The following PPP2CA variants were observed in gnomAD, a reference collection of about 807,000 sequenced individuals.
PPP2CA encodes the protein serine/threonine-protein phosphatase 2A catalytic subunit alpha isoform.
A neutral mutation model predicts 38.8 loss-of-function variants in PPP2CA; 5 were observed. The observed-to-expected ratio is 0.13, with a 90% confidence interval of 0.07 to 0.27. The LOEUF is 0.27. Ranked by LOEUF, PPP2CA falls within the 10% of genes least tolerant of loss-of-function variation. PPP2CA has a pLI of 1.00. For missense variants in PPP2CA, 88 were observed against 389.7 expected (o/e 0.23, Z 6.52); for synonymous variants, 152 against 134.0 (o/e 1.13, Z -0.93).
At position 134,198,983 on chromosome 5, in the gene PPP2CA, A is replaced by C. The variant is rs922464038; in HGVS notation, c.857+103T>G. 2.8e-5 allele frequency: 26 copies of C among 914,552 alleles called. No homozygotes were observed. The African/African-American group carries it at 4.1e-4, about 14-fold the overall frequency. 56.7% of individuals were successfully genotyped at this position (914,552 alleles called of 1,614,324 possible). On this transcript the variant is annotated intron_variant, in intron 6 of 6. Coordinates refer to ENST00000481195, the MANE Select transcript of PPP2CA (RefSeq NM_002715.4). ...AGGATCACTTCAGCCTAGGAGTTCG[A>C]GACAAGACTGGGCAATATAGTGACA...
At chr5:134,204,851 A>G (rs1193491179) in intron 2 of PPP2CA, among the ~76,000 whole-genome samples, 1 of 152,186 alleles carries the variant, frequency 6.6e-6, no homozygotes, top group Admixed American at 6.5e-5. Context: ...TGTAATGTAC[A>G]TAATATTCTC....
chr5:134,213,738 A>G (rs1762258061), intron 1 of PPP2CA, among the ~76,000 whole-genome samples: 1 of 152,122 alleles, frequency 6.6e-6, no homozygotes, highest in Non-Finnish European at 1.5e-5. Flanking sequence ...AACTATGATG[A>G]TGTCACTGTA....
At chr5:134,201,775 A>G (rs938599935) in intron 3 of PPP2CA, 73 bp downstream of exon 3, 2 of 1,462,624 alleles carry the variant, frequency 1.4e-6, no homozygotes, top group Non-Finnish European at 1.9e-6. Flanking sequence ...GAGTGGAAAG[A>G]GTCATAAGCA....
intron 4 of PPP2CA, 119 bp from the exon 5 acceptor site, chr5:134,200,615 G>C: frequency 9.2e-7 from 1 of 1,091,446 alleles, no homozygotes; most frequent in Admixed American, 2.7e-5. Flanking sequence ...TGTGGACAAT[G>C]CTAATAGACT....
intron 6 of PPP2CA, 75 bp downstream of exon 6, chr5:134,199,011 C>A: frequency 1.7e-6 from 2 of 1,178,684 alleles, no homozygotes; most frequent in South Asian, 2.5e-5. Flanking sequence ...TAGTGACACC[C>A]TCTCTCTCAA....
chr5:134,225,714 C>T, intron 1 of PPP2CA, 46 bp downstream of exon 1: 3 of 1,561,132 alleles, frequency 1.9e-6, no homozygotes, highest in African/African-American at 1.4e-5. Context: ...TTTTCCTCGG[C>T]GGGCTCGGCC....
At chr5:134,207,555 C>T (rs890241384) in intron 1 of PPP2CA, among the ~76,000 whole-genome samples, 4 of 152,148 alleles carry the variant, frequency 2.6e-5, no homozygotes, top group Non-Finnish European at 5.9e-5. Flanking sequence ...CACTTTGGGA[C>T]GCTAAGGCGG....
rs1039232055 is a variant in PPP2CA, at chr5:134,195,852, T to C, written c.*1920A>G. ...AAGTCCCATTCTGCTAACCACAAAA[T>C]TTAGAGAATTTGTACCTGGAAGATA... On this transcript the variant is annotated 3_prime_UTR_variant, in exon 7 of 7. Coordinates refer to ENST00000481195, the MANE Select transcript of PPP2CA (RefSeq NM_002715.4). 2 of 152,172 alleles carry C rather than the reference T, an allele frequency of 1.3e-5. No homozygotes were observed. Among genetic ancestry groups the C allele is most frequent in the African/African-American group, 4.8e-5 (2 of 41,432 alleles). The allele number at this position is 152,172 out of a possible 1,614,324, so 9.4% of individuals were successfully genotyped here.
At chr5:134,212,765 A>T (rs1762227931) in intron 1 of PPP2CA, among the ~76,000 whole-genome samples, 1 of 152,232 alleles carries the variant, frequency 6.6e-6, no homozygotes, top group Non-Finnish European at 1.5e-5. Flanking sequence ...GAACACACAA[A>T]TAGTAAGTAA....
At chr5:134,203,948 C>A (rs1445955925) in intron 2 of PPP2CA, among the ~76,000 whole-genome samples, 3 of 152,180 alleles carry the variant, frequency 2.0e-5, no homozygotes, top group Non-Finnish European at 4.4e-5. Context: ...TTAAAGGTAG[C>A]ACATTCATTC....
intron 2 of PPP2CA, among the ~76,000 whole-genome samples, chr5:134,202,800 AAAC>A (rs1423156872): frequency 2.0e-5 from 3 of 152,216 alleles, no homozygotes; most frequent in Non-Finnish European, 4.4e-5. Context: ...AGAAACAGTC[AAAC>A]TGTTTTTCAA....
intron 2 of PPP2CA, among the ~76,000 whole-genome samples, chr5:134,204,761 CCTAGT>C (rs1303304672): frequency 6.6e-6 from 1 of 152,044 alleles, no homozygotes; most frequent in African/African-American, 2.4e-5. Context: ...CTGCACCCAG[CCTAGT>C]CTAGATTATT....
chr5:134,215,499 C>T (rs1284271120), intron 1 of PPP2CA, among the ~76,000 whole-genome samples: 1 of 152,254 alleles, frequency 6.6e-6, no homozygotes, highest in Non-Finnish European at 1.5e-5. Flanking sequence ...CGCTTGAACC[C>T]AGGAGGTGGA....
At chr5:134,204,498 T>C (rs976163105) in intron 2 of PPP2CA, among the ~76,000 whole-genome samples, 10 of 152,350 alleles carry the variant, frequency 6.6e-5, no homozygotes, top group Non-Finnish European at 7.3e-5. Context: ...GGTCTTGCTC[T>C]GTCACACGGC....
chr5:134,224,345 TCCA>T (rs1762514526), intron 1 of PPP2CA: 1 of 452,028 alleles, frequency 2.2e-6, no homozygotes, highest in African/African-American at 2.0e-5. Context: ...TGCCACCTCA[TCCA>T]CTAGTAGTAG....
At chr5:134,217,358 T>A (rs537345926) in intron 1 of PPP2CA, among the ~76,000 whole-genome samples, 1 of 152,338 alleles carries the variant, frequency 6.6e-6, no homozygotes, top group Non-Finnish European at 1.5e-5. Flanking sequence ...AATTTAACAT[T>A]TCACATCCTT....
intron 6 of PPP2CA, 116 bp downstream of exon 6, chr5:134,198,970 G>T: frequency 1.3e-6 from 1 of 779,772 alleles, no homozygotes; most frequent in Non-Finnish European, 2.1e-6. Flanking sequence ...GATCACTTCA[G>T]CCTAGGAGTT....
intron 1 of PPP2CA, among the ~76,000 whole-genome samples, chr5:134,225,118 A>G (rs1387460398): frequency 1.3e-5 from 2 of 152,242 alleles, no homozygotes; most frequent in African/African-American, 2.4e-5. Flanking sequence ...TATGAAAAAT[A>G]AGTTACACTC....
At chr5:134,218,717 G>C in intron 1 of PPP2CA, among the ~76,000 whole-genome samples, 1 of 149,034 alleles carries the variant, frequency 6.7e-6, no homozygotes, top group East Asian at 1.9e-4. Flanking sequence ...CGCTTAGGCT[G>C]GAGTGCAGGG....
Sources: allele counts gnomAD v4.1 joint callset (sites outside exome capture counted in the v4.1 genomes callset), GRCh38; gene constraint gnomAD v4.1.1; transcripts MANE v1.5; gene names NCBI Gene and HGNC (gene_info 2026-07-23, HGNC 2026-07-21).